PAX5: variants seen among roughly 807,000 people sequenced by gnomAD.
The protein encoded by PAX5 is paired box 5.
A neutral mutation model predicts 43.7 loss-of-function variants in PAX5; 9 were observed. The observed-to-expected ratio is 0.21, with a 90% CI of 0.12 to 0.36. PAX5 has a LOEUF of 0.36. PAX5 is among the 10% of genes least tolerant of loss of function. The probability of loss-of-function intolerance (pLI) is 1.00; values close to 1 mark genes in which losing one functional copy is unlikely to be tolerated. For synonymous variants in PAX5, 228 were observed against 214.3 expected, an observed-to-expected ratio of 1.06 and a Z score of -0.56; for missense variants, 383 against 532.7, an observed-to-expected ratio of 0.72 and a Z score of 2.77.
At chr9:37,024,891 C>T (rs1314739981) in intron 1 of PAX5, among the ~76,000 whole-genome samples, 1 of 152,216 alleles carries the variant, frequency 6.6e-6, no homozygotes, top group East Asian at 1.9e-4. Context: ...CTGTGGATTT[C>T]CACCAGTGAG....
At chr9:36,871,972 C>T (rs1419774011) in intron 8 of PAX5, among the ~76,000 whole-genome samples, 4 of 152,220 alleles carry the variant, frequency 2.6e-5, no homozygotes, top group Non-Finnish European at 5.9e-5. Context: ...AGGATATTCT[C>T]TCTCCCCATC....
chr9:36,989,493 C>CCA (rs10626560), intron 5 of PAX5, among the ~76,000 whole-genome samples: 72,718 of 151,924 alleles, frequency 0.48, 17,748 homozygotes, highest in East Asian at 0.67. Flanking sequence ...AATTTAAAAT[C>CCA]CAGAGTCAAT....
At chr9:36,886,408 C>T (rs1826912766) in intron 7 of PAX5, among the ~76,000 whole-genome samples, 1 of 152,188 alleles carries the variant, frequency 6.6e-6, no homozygotes, top group Admixed American at 6.5e-5. Flanking sequence ...ATTCAAGCCT[C>T]AGATCTGCTC....
chr9:37,016,338 T>C (rs895278292), intron 2 of PAX5, among the ~76,000 whole-genome samples: 4 of 152,186 alleles, frequency 2.6e-5, no homozygotes, highest in African/African-American at 9.7e-5. Flanking sequence ...AATGTTGAAT[T>C]GCAGAATTAT....
At chr9:37,032,986 C>T (rs765577452) in intron 1 of PAX5, among the ~76,000 whole-genome samples, 6 of 152,246 alleles carry the variant, frequency 3.9e-5, no homozygotes, top group Non-Finnish European at 8.8e-5. Flanking sequence ...AGGATAAAAC[C>T]TGAGGACACA....
intron 6 of PAX5, among the ~76,000 whole-genome samples, chr9:36,959,980 T>G (rs934568626): frequency 2.6e-5 from 4 of 152,202 alleles, no homozygotes; most frequent in African/African-American, 9.6e-5. Flanking sequence ...AAGAGTCTTT[T>G]CAGAACAGAG....
chr9:36,981,501 CT>C (rs1835947351), intron 5 of PAX5, among the ~76,000 whole-genome samples: 1 of 150,876 alleles, frequency 6.6e-6, no homozygotes, highest in African/African-American at 2.4e-5. Flanking sequence ...TGACCTCCTA[CT>C]GGGAAATAGT....
intron 5 of PAX5, among the ~76,000 whole-genome samples, chr9:36,977,627 T>C (rs1021484802): frequency 6.6e-6 from 1 of 152,026 alleles, no homozygotes; most frequent in African/African-American, 2.4e-5. Context: ...ACCTCCCAGG[T>C]TCAAGCGATT....
At chr9:36,936,294 T>G (rs896212762) in intron 6 of PAX5, among the ~76,000 whole-genome samples, 15 of 152,324 alleles carry the variant, frequency 9.8e-5, no homozygotes, top group Non-Finnish European at 7.4e-5. Context: ...GGATGGGGAC[T>G]CCCTGTCTGG....
intron 6 of PAX5, among the ~76,000 whole-genome samples, chr9:36,963,055 G>C (rs1475126353): frequency 6.6e-6 from 1 of 152,232 alleles, no homozygotes; most frequent in African/African-American, 2.4e-5. Flanking sequence ...TTGGGAATCG[G>C]GCACGAGGGT....
At chr9:37,032,512 C>CAGG (rs1841081392) in intron 1 of PAX5, among the ~76,000 whole-genome samples, 1 of 152,222 alleles carries the variant, frequency 6.6e-6, no homozygotes, top group Non-Finnish European at 1.5e-5. Context: ...TGGGAGCACT[C>CAGG]TTCTGCCTCA....
At chr9:37,001,475 G>A (rs1837845246) in intron 5 of PAX5, among the ~76,000 whole-genome samples, 1 of 152,228 alleles carries the variant, frequency 6.6e-6, no homozygotes, top group Non-Finnish European at 1.5e-5. Context: ...GCAGCCTACT[G>A]AGTTAAAGAC....
chr9:36,920,869 A>C (rs1457638356), intron 7 of PAX5, among the ~76,000 whole-genome samples: 2 of 133,672 alleles, frequency 1.5e-5, no homozygotes, highest in Non-Finnish European at 3.0e-5. Flanking sequence ...GCTGGAGTGC[A>C]ATGGCGTGAT....
intron 8 of PAX5, among the ~76,000 whole-genome samples, chr9:36,855,870 C>T (rs1823623708): frequency 2.0e-5 from 3 of 152,258 alleles, no homozygotes; most frequent in Admixed American, 2.0e-4. Context: ...GTCCAATTCT[C>T]CTATTTGTCA....
chr9:37,034,079 T>A lies in PAX5; in HGVS notation c.-48A>T, dbSNP rs774623159. 1 of 1,061,570 alleles carries A rather than the reference T, an allele frequency of 9.4e-7. No individual in the cohort carries two copies. Among genetic ancestry groups the A allele is most frequent in the African/African-American group, 1.6e-5 (1 of 61,596 alleles). The allele number at this position is 1,061,570 out of a possible 1,614,324, so 65.8% of individuals were successfully genotyped here. A position where few individuals can be genotyped will look rare whatever the true frequency, so the allele number is the denominator to read the frequency against. ...GAATGGACAGGGAAAAGTTTCCACT[T>A]TTTTGTGCCTTTTTTTTTCTTTTTT... On this transcript the variant is annotated 5_prime_UTR_variant, in exon 1 of 10. Transcript: ENST00000358127.
At chr9:36,934,689 TC>T (rs1831400960) in intron 6 of PAX5, among the ~76,000 whole-genome samples, 2 of 152,166 alleles carry the variant, frequency 1.3e-5, no homozygotes, top group Admixed American at 1.3e-4. Context: ...CCTCATGGAT[TC>T]CCCCTTCTCT....
intron 8 of PAX5, among the ~76,000 whole-genome samples, chr9:36,877,534 A>T (rs1263294349): frequency 6.6e-6 from 1 of 152,232 alleles, no homozygotes; most frequent in African/African-American, 2.4e-5. Context: ...CCTCAGAGAG[A>T]CAAAAGCAAG....
intron 8 of PAX5, among the ~76,000 whole-genome samples, chr9:36,857,901 A>G (rs2131633717): frequency 6.6e-6 from 1 of 152,336 alleles, no homozygotes; most frequent in African/African-American, 2.4e-5. Flanking sequence ...TGGTTTTTGT[A>G]AATAATTGTA....
chr9:36,880,191 C>T (rs1253964154), intron 8 of PAX5, among the ~76,000 whole-genome samples: 2 of 152,278 alleles, frequency 1.3e-5, no homozygotes, highest in Admixed American at 6.5e-5. Context: ...GGGGAGCCAG[C>T]CTAGCTAAGA....
Sources: gnomAD v4.1 joint callset for allele counts (sites outside exome capture counted in the v4.1 genomes callset) on GRCh38, gnomAD v4.1.1 for gene constraint, MANE v1.5 for transcripts, NCBI Gene and HGNC (gene_info 2026-07-23, HGNC 2026-07-21) for gene names.